Variants in CAMK2B observed in about 807,000 individuals in gnomAD.
CAMK2B encodes the protein calcium/calmodulin-dependent protein kinase type II subunit beta.
In CAMK2B, 27 loss-of-function variants were observed where a neutral mutation model predicts 93.7. The ratio of observed to expected loss-of-function variants is 0.29; its 90% confidence interval spans 0.21 to 0.40. The LOEUF is 0.40. Among genes scored for constraint, CAMK2B ranks in the 10% least tolerant of loss-of-function variants. The pLI is 1.00. For synonymous variants in CAMK2B, 374 were observed against 358.8 expected (o/e 1.04, Z -0.48); for missense variants, 568 against 895.8 (o/e 0.63, Z 4.67).
rs545901557 is a variant in CAMK2B at position 44,276,521 on chromosome 7, A to T, written c.160+7610T>A. Among the ~76,000 whole-genome samples the T allele has an allele frequency of 3.9e-5, 6 of 152,278 alleles. No homozygotes were observed. In the South Asian group the frequency reaches 1.2e-3, roughly 32 times the overall value. ...GCAGGCTTCCCTGGGGTGCGGGCTC[A>T]GCCCCAGCCCCAATGATCAGAGACC... On this transcript the variant is annotated intron_variant, in intron 2 of 23. Transcript: ENST00000395749.
At chr7:44,235,986 CCAGCAG>C (rs56301509) in intron 13 of CAMK2B, among the ~76,000 whole-genome samples, 18 of 151,942 alleles carry the variant, frequency 1.2e-4, no homozygotes, top group Middle Eastern at 3.4e-3. Context: ...TCCCCCAACC[CCAGCAG>C]CAGCAGCAGC....
At chr7:44,230,702 G>A (rs1253171280) in intron 17 of CAMK2B, among the ~76,000 whole-genome samples, 1 of 152,236 alleles carries the variant, frequency 6.6e-6, no homozygotes, top group Non-Finnish European at 1.5e-5. Flanking sequence ...CTACCCATGG[G>A]CCTGTTTCCC....
chr7:44,223,135 TG>T (rs1429148524), intron 20 of CAMK2B, among the ~76,000 whole-genome samples: 4 of 151,888 alleles, frequency 2.6e-5, no homozygotes, highest in Non-Finnish European at 5.9e-5. Context: ...TACATATGCA[TG>T]AGCACCTGTG....
chr7:44,285,581 A>T (rs1191533706), intron 1 of CAMK2B, among the ~76,000 whole-genome samples: 1 of 152,130 alleles, frequency 6.6e-6, no homozygotes, highest in East Asian at 1.9e-4. Context: ...TTTTATCTAC[A>T]GTCCTTTGTG....
At chr7:44,233,311 G>A (rs2096597155) in intron 15 of CAMK2B, among the ~76,000 whole-genome samples, 1 of 152,118 alleles carries the variant, frequency 6.6e-6, no homozygotes. Flanking sequence ...GTCCGAGATG[G>A]GGCTGGCTGT....
intron 2 of CAMK2B, among the ~76,000 whole-genome samples, chr7:44,275,653 G>C (rs2097028056): frequency 6.6e-6 from 1 of 152,138 alleles, no homozygotes; most frequent in Non-Finnish European, 1.5e-5. Context: ...ACGCAATTTG[G>C]GACACACAGT....
At chr7:44,244,880 C>T in intron 6 of CAMK2B, 1 of 454,098 alleles carries the variant, frequency 2.2e-6, no homozygotes. Context: ...TCCCCCACCT[C>T]CACCTCCTCG....
intron 1 of CAMK2B, among the ~76,000 whole-genome samples, chr7:44,302,713 T>C (rs1790409792): frequency 6.6e-6 from 1 of 152,182 alleles, no homozygotes; most frequent in Non-Finnish European, 1.5e-5. Context: ...CACTGTTTCA[T>C]GATTAAAAAC....
intron 1 of CAMK2B, among the ~76,000 whole-genome samples, chr7:44,309,175 A>G (rs73317780): frequency 0.11 from 16,831 of 152,216 alleles, 1,040 homozygotes; most frequent in Non-Finnish European, 0.12. Context: ...CAGAGAGGAG[A>G]GAGTGGTCTC....
chr7:44,233,934 T>C (rs1332810237), intron 15 of CAMK2B, among the ~76,000 whole-genome samples: 2 of 152,230 alleles, frequency 1.3e-5, no homozygotes, highest in African/African-American at 4.8e-5. Flanking sequence ...CTATGGGCTG[T>C]TCCCCCTGCA....
intron 1 of CAMK2B, among the ~76,000 whole-genome samples, chr7:44,315,697 C>T (rs989279574): frequency 1.3e-5 from 2 of 152,182 alleles, no homozygotes; most frequent in Non-Finnish European, 2.9e-5. Flanking sequence ...AATCCATGAA[C>T]ATGGGATGTC....
intron 1 of CAMK2B, among the ~76,000 whole-genome samples, chr7:44,303,114 A>ATGAT: frequency 6.6e-6 from 1 of 152,342 alleles, no homozygotes; most frequent in East Asian, 1.9e-4. Flanking sequence ...TCAGCAATGA[A>ATGAT]TGATTGGAAT....
chr7:44,221,801 T>C (rs1394207520), intron 20 of CAMK2B, among the ~76,000 whole-genome samples: 2 of 152,274 alleles, frequency 1.3e-5, no homozygotes, highest in Non-Finnish European at 2.9e-5. Flanking sequence ...CCTGCATTGC[T>C]GCTTTAACTA....
At chr7:44,303,242 A>G (rs1242033552) in intron 1 of CAMK2B, among the ~76,000 whole-genome samples, 1 of 152,216 alleles carries the variant, frequency 6.6e-6, no homozygotes, top group Non-Finnish European at 1.5e-5. Context: ...CTCTGATGAA[A>G]AAATATCAAA....
At chr7:44,280,555 G>C (rs1450742172) in intron 2 of CAMK2B, among the ~76,000 whole-genome samples, 1 of 152,208 alleles carries the variant, frequency 6.6e-6, no homozygotes, top group Non-Finnish European at 1.5e-5. Context: ...ATGGATTCTG[G>C]TTTCCTAAGC....
intron 1 of CAMK2B, among the ~76,000 whole-genome samples, chr7:44,322,521 T>TA (rs577052942): frequency 3.3e-5 from 5 of 152,158 alleles, no homozygotes; most frequent in Admixed American, 6.5e-5. Flanking sequence ...TTATCCAATA[T>TA]AAAAAAAATA....
At chr7:44,306,899 A>AGAG (rs1791804690) in intron 1 of CAMK2B, among the ~76,000 whole-genome samples, 2 of 67,482 alleles carry the variant, frequency 3.0e-5, no homozygotes, top group Non-Finnish European at 2.9e-5. Flanking sequence ...GTGAGCAGGA[A>AGAG]GACGGTGTGA....
At position 44,325,478 on chromosome 7, in the gene CAMK2B, G is replaced by A. The variant is rs1319711029; in HGVS notation, c.-57C>T. On this transcript the variant is annotated 5_prime_UTR_variant, in exon 1 of 24. Transcript: ENST00000395749. Reference sequence around the variant, plus strand: ...GCTGCGCTCGGGCGGCGGCGACTCCGGCTCCCGCTCGCGGGCACGGCGGCG... The same window carrying A: ...GCTGCGCTCGGGCGGCGGCGACTCCAGCTCCCGCTCGCGGGCACGGCGGCG... 2.0e-6 allele frequency: 2 copies of A among 985,584 alleles called. No homozygotes were observed. Among genetic ancestry groups the A allele is most frequent in the Non-Finnish European group, 2.4e-6 (2 of 818,754 alleles). The allele number at this position is 985,584 out of a possible 1,614,324, so 61.1% of individuals were successfully genotyped here. A position where few individuals can be genotyped will look rare whatever the true frequency, so the allele number is the denominator to read the frequency against.
At chr7:44,314,268 C>T (rs184395218) in intron 1 of CAMK2B, among the ~76,000 whole-genome samples, 119 of 152,338 alleles carry the variant, frequency 7.8e-4, no homozygotes, top group East Asian at 9.6e-4. Context: ...CAAACTTCTA[C>T]GCATTAGCAG....
Sources: gnomAD v4.1 joint callset for allele counts (sites outside exome capture counted in the v4.1 genomes callset) on GRCh38, gnomAD v4.1.1 for gene constraint, MANE v1.5 for transcripts, NCBI Gene and HGNC (gene_info 2026-07-23, HGNC 2026-07-21) for gene names.